The following FAM78A variants were observed in gnomAD, a reference collection of about 807,000 sequenced individuals.
FAM78A encodes the protein protein FAM78A.
FAM78A carries 12 observed loss-of-function variants against 22.6 expected under a neutral mutation model. The observed-to-expected ratio is 0.53, with a 90% CI of 0.34 to 0.86. The LOEUF is 0.86. Ranked by LOEUF, FAM78A falls within the 40% of genes least tolerant of loss-of-function variation. FAM78A has a pLI of 0.02. For missense variants in FAM78A, 322 were observed against 396.1 expected (o/e 0.81, Z 1.59); for synonymous variants, 151 against 155.8 (o/e 0.97, Z 0.23).
chr9:131,276,203 C>A lies in FAM78A; in HGVS notation c.-24G>T. The A allele has an allele frequency of 1.3e-6, 2 of 1,587,810 alleles. No homozygotes were observed. Among genetic ancestry groups the A allele is most frequent in the Non-Finnish European group, 1.7e-6 (2 of 1,163,614 alleles). On this transcript the variant is annotated 5_prime_UTR_variant, in exon 1 of 2. Coordinates refer to ENST00000372271, the MANE Select transcript of FAM78A (RefSeq NM_033387.4). This position sits in a 1 kb window ranked among gnomAD's most constrained non-coding sequence, Gnocchi z 4.3. ...ATTGAAAGGACAGAGGCTGCAGGAC[C>A]CAGTACAGACGGCGCTGCTCTCCAA...
At chr9:131,280,534 GA>G (rs919631365), upstream of FAM78A, among the ~76,000 whole-genome samples, 10 of 152,170 alleles carry the variant, frequency 6.6e-5, no homozygotes, top group African/African-American at 2.4e-4. Flanking sequence ...CCTGGACTCT[GA>G]AAAATGAGAA....
chr9:131,261,755 G>T lies in FAM78A; in HGVS notation c.324-405C>A, dbSNP rs1022827843. Among the ~76,000 whole-genome samples the T allele has an allele frequency of 6.6e-6, 1 of 152,152 alleles. No homozygotes were observed. Among genetic ancestry groups the T allele is most frequent in the Non-Finnish European group, 1.5e-5 (1 of 68,030 alleles). The stretch of plus-strand genomic sequence containing the variant: ...ATACAGAAAGTGAAGTGGTGGGCTG[G>T]GGGTGGAGAGTGAGGCTACATTTTC... On this transcript the variant is annotated intron_variant, in intron 1 of 1. Coordinates refer to ENST00000372271, the MANE Select transcript of FAM78A (RefSeq NM_033387.4). This position sits in a 1 kb window ranked among gnomAD's most constrained non-coding sequence, Gnocchi z 7.1.
Position 131,261,398 on chromosome 9 carries a change from C to T in FAM78A, c.324-48G>A, listed in dbSNP as rs1835267474. On this transcript the variant is annotated intron_variant, in intron 1 of 1. Coordinates refer to ENST00000372271, the MANE Select transcript of FAM78A (RefSeq NM_033387.4). This position sits in a 1 kb window ranked among gnomAD's most constrained non-coding sequence, Gnocchi z 7.1. ...CACTCACTCGGTCACTCAAGGAGGG[C>T]TTTCTGTGTCCCCCTGGCAGGCCAG... 1 of 1,487,684 alleles carries T rather than the reference C, an allele frequency of 6.7e-7. No homozygotes were observed. The highest frequency in any genetic ancestry group is 1.4e-5 in the African/African-American group (1 of 71,676). The allele number at this position is 1,487,684 out of a possible 1,614,324, so 92.2% of individuals were successfully genotyped here.
In FAM78A at chr9:131,261,722, C is replaced by T. The variant is rs183117123; in HGVS notation, c.324-372G>A. On this transcript the variant is annotated intron_variant, in intron 1 of 1. Coordinates refer to ENST00000372271, the MANE Select transcript of FAM78A (RefSeq NM_033387.4). The surrounding 1 kb of genome is among the most constrained non-coding windows in gnomAD (Gnocchi z 7.1). ...AGACAATCTTCTCCATGCAACCCCACCCGGCAGATACAGAAAGTGAAGTGG... is the reference window on the plus strand; with the variant it reads ...AGACAATCTTCTCCATGCAACCCCATCCGGCAGATACAGAAAGTGAAGTGG... Among the ~76,000 whole-genome samples the T allele has an allele frequency of 6.6e-6, 1 of 152,276 alleles. No individual in the cohort carries two copies. Among genetic ancestry groups the T allele is most frequent in the East Asian group, 1.9e-4 (1 of 5,174 alleles).
intron 1 of FAM78A, among the ~76,000 whole-genome samples, chr9:131,273,076 TC>T (rs1351718234): frequency 2.6e-5 from 4 of 152,216 alleles, no homozygotes; most frequent in African/African-American, 9.6e-5. Flanking sequence ...GCAGGTTGAA[TC>T]CGGGACTCTG....
chr9:131,267,812 G>A (rs1319679237), intron 1 of FAM78A, among the ~76,000 whole-genome samples: 1 of 151,380 alleles, frequency 6.6e-6, no homozygotes, highest in Non-Finnish European at 1.5e-5. Context: ...TTGGGAGGCT[G>A]AGGCGGGCAG....
Position 131,276,097 on chromosome 9 carries a change from C to G in FAM78A, c.83G>C (p.Gly28Ala). The G allele has an allele frequency of 1.9e-6, 3 of 1,613,816 alleles. No homozygotes were observed. Among genetic ancestry groups the G allele is most frequent in the Non-Finnish European group, 1.7e-6 (2 of 1,180,026 alleles). Residue 28 changes from glycine to alanine, a missense_variant, in exon 1 of 2, where the codon GGA (glycine) becomes GCA (alanine). Physicochemically the swap from Gly to Ala is moderately conservative, Grantham distance 60. Coordinates refer to ENST00000372271, the MANE Select transcript of FAM78A (RefSeq NM_033387.4). The surrounding 1 kb of genome is among the most constrained non-coding windows in gnomAD (Gnocchi z 4.3). ...LYAMGCIQSI[G>A]GKARVFREGI... is the part of the protein sequence containing the mutation. ...TTCCCGGAAGACTCTGGCTTTGCCT[C>G]CGATGCTCTGAATACAGCCCATGGC... is the stretch of plus-strand genomic sequence containing the variant.
chr9:131,269,003 CCTGA>C (rs1025265314), intron 1 of FAM78A, among the ~76,000 whole-genome samples: 6 of 150,488 alleles, frequency 4.0e-5, no homozygotes, highest in Admixed American at 2.0e-4. Flanking sequence ...TCAAAACCAG[CCTGA>C]CTAACATGGT....
At chr9:131,266,037 G>A (rs1835339989) in intron 1 of FAM78A, among the ~76,000 whole-genome samples, 1 of 152,174 alleles carries the variant, frequency 6.6e-6, no homozygotes, top group Non-Finnish European at 1.5e-5. Context: ...GACATGGGTG[G>A]ACAGAGCCAC....
At chr9:131,267,895 A>T (rs1051087598) in intron 1 of FAM78A, among the ~76,000 whole-genome samples, 25 of 151,904 alleles carry the variant, frequency 1.6e-4, no homozygotes, top group South Asian at 4.1e-4. Flanking sequence ...AATATATTTT[A>T]AAAAAAATTA....
In FAM78A at chr9:131,275,376, G is replaced by GA. The variant is rs753737360; in HGVS notation, c.323+480dup. 8.5e-5 allele frequency among the ~76,000 whole-genome samples: 13 copies of GA among 152,246 alleles called. No homozygotes were observed. The highest frequency in any genetic ancestry group is 1.6e-4 in the Non-Finnish European group (11 of 68,038). On this transcript the variant is annotated intron_variant, in intron 1 of 1. Transcript: ENST00000372271. The surrounding 1 kb of genome is among the most constrained non-coding windows in gnomAD (Gnocchi z 4.6). ...TCCTGGCATACACTGGTAAAAGCCA[G>GA]AAAGATAATTGAGGCCCAATCGCAA...
chr9:131,279,481 C>T (rs552748121), upstream of FAM78A, among the ~76,000 whole-genome samples: 5 of 152,312 alleles, frequency 3.3e-5, no homozygotes, highest in African/African-American at 9.6e-5. Flanking sequence ...CTCATCACCC[C>T]GACAGCCTGG....
At chr9:131,266,525 C>G (rs1835348061) in intron 1 of FAM78A, among the ~76,000 whole-genome samples, 2 of 152,186 alleles carry the variant, frequency 1.3e-5, no homozygotes, top group Admixed American at 1.3e-4. Context: ...CTCCTCCCCC[C>G]CACTTCCTCC....
intron 1 of FAM78A, chr9:131,264,493 C>T (rs898460951): frequency 2.9e-6 from 2 of 687,382 alleles, no homozygotes; most frequent in Non-Finnish European, 5.5e-6. Context: ...CACAGACGCG[C>T]TGAGCTCTAC....
rs1011792014 is a variant in FAM78A at position 131,265,219 on chromosome 9, T to C, written c.324-3869A>G. Among the ~76,000 whole-genome samples, 2 of 152,230 alleles carry C rather than the reference T, an allele frequency of 1.3e-5. No individual in the cohort carries two copies. The highest frequency in any genetic ancestry group is 4.8e-5 in the African/African-American group (2 of 41,454). ...GTCCTTGAAATTTTCCGATTATTTTTAACTTAAAAGTCTAAAGTTAAGCAA... is the reference window on the plus strand; with the variant it reads ...GTCCTTGAAATTTTCCGATTATTTTCAACTTAAAAGTCTAAAGTTAAGCAA... On this transcript the variant is annotated intron_variant, in intron 1 of 1. Coordinates refer to ENST00000372271, the MANE Select transcript of FAM78A (RefSeq NM_033387.4). This position sits in a 1 kb window ranked among gnomAD's most constrained non-coding sequence, Gnocchi z 4.3.
Position 131,258,273 on chromosome 9 carries a change from G to C in FAM78A, c.*2549C>G, listed in dbSNP as rs1403491235. ...AGTGAGTGGATGTCCACGCCAGGGC[G>C]GGGCTGGAGGACATAAGAAGAATCG... is the stretch of plus-strand genomic sequence containing the variant. On this transcript the variant is annotated 3_prime_UTR_variant, in exon 2 of 2. Coordinates refer to ENST00000372271, the MANE Select transcript of FAM78A (RefSeq NM_033387.4). 6.5e-6 allele frequency: 1 copy of C among 152,704 alleles called. No individual in the cohort carries two copies. The highest frequency in any genetic ancestry group is 1.5e-5 in the Non-Finnish European group (1 of 68,090). The allele number at this position is 152,704 out of a possible 1,614,324, so 9.5% of individuals were successfully genotyped here.
chr9:131,259,936 C>T lies in FAM78A; in HGVS notation c.*886G>A, dbSNP rs572151699. 5.8e-4 allele frequency: 88 copies of T among 152,792 alleles called. No individual in the cohort carries two copies. Among genetic ancestry groups the T allele is most frequent in the African/African-American group, 2.0e-3 (82 of 41,554 alleles). 9.5% of individuals were successfully genotyped at this position (152,792 alleles called of 1,614,324 possible). ...GAGCCTGCCTCTCTCCTCCTAGAGC[C>T]GCCCAAGGGAAGTTAAGGCTGCTGG... On this transcript the variant is annotated 3_prime_UTR_variant, in exon 2 of 2. Coordinates refer to ENST00000372271, the MANE Select transcript of FAM78A (RefSeq NM_033387.4).
In FAM78A at chr9:131,275,979, G is replaced by C. The variant is rs756071317; in HGVS notation, c.201C>G (p.Pro67=). 6.2e-7 allele frequency: 1 copy of C among 1,613,594 alleles called. No individual in the cohort carries two copies. Among genetic ancestry groups the C allele is most frequent in the South Asian group, 1.1e-5 (1 of 91,084 alleles). ...SSSVVLRYRT[P]HFRASAQVVM... is the part of the protein sequence containing the mutation. ...CCACCTGGGCCGAGGCCCGGAAGTGGGGTGTCCGGTAGCGGAGCACCACGC... is the reference window on the plus strand; with the variant it reads ...CCACCTGGGCCGAGGCCCGGAAGTGCGGTGTCCGGTAGCGGAGCACCACGC... The change falls in exon 1 of 2, where the codon CCC becomes CCG. Residue 67 remains proline, a synonymous_variant. Transcript: ENST00000372271. This position sits in a 1 kb window ranked among gnomAD's most constrained non-coding sequence, Gnocchi z 4.6.
chr9:131,273,840 G>T (rs879925360), intron 1 of FAM78A, among the ~76,000 whole-genome samples: 1 of 152,232 alleles, frequency 6.6e-6, no homozygotes, highest in Admixed American at 6.5e-5. Context: ...AATAAGCCAT[G>T]GGGAAGGGGT....
Sources: gnomAD v4.1 joint callset for allele counts (sites outside exome capture counted in the v4.1 genomes callset) on GRCh38, gnomAD v4.1.1 for gene constraint, Gnocchi (gnomAD v3.1) non-coding constraint, MANE v1.5 for transcripts, NCBI Gene and HGNC (gene_info 2026-07-23, HGNC 2026-07-21) for gene names.